SLC4A4: variants seen among roughly 807,000 people sequenced by gnomAD.
SLC4A4 encodes the protein solute carrier family 4 member 4.
Under a neutral mutation model 111.5 loss-of-function variants are expected in SLC4A4, and 27 were observed. The ratio of observed to expected loss-of-function variants is 0.24; its 90% CI spans 0.18 to 0.33. SLC4A4 has a LOEUF of 0.33. Among genes scored for constraint, SLC4A4 ranks in the 10% least tolerant of loss-of-function variants. SLC4A4 has a pLI of 1.00. For missense variants in SLC4A4, 909 were observed against 1,315.5 expected, an observed-to-expected ratio of 0.69 and a Z score of 4.78; for synonymous variants, 443 against 463.4, an observed-to-expected ratio of 0.96 and a Z score of 0.57.
At chr4:71,411,494 G>A (rs965904309) in intron 7 of SLC4A4, among the ~76,000 whole-genome samples, 11 of 151,970 alleles carry the variant, frequency 7.2e-5, no homozygotes, top group Non-Finnish European at 1.5e-4. Flanking sequence ...TTGGCTACAT[G>A]TTTATCTTCA....
intron 7 of SLC4A4, among the ~76,000 whole-genome samples, chr4:71,405,086 G>T (rs1720724826): frequency 1.3e-5 from 2 of 151,930 alleles, no homozygotes; most frequent in African/African-American, 2.4e-5. Context: ...AAAGTGCTGG[G>T]ATTATAAGCG....
rs145159577 is a variant in SLC4A4, at chr4:71,551,400, A to G, written c.2694+3680A>G. Among the ~76,000 whole-genome samples the G allele has an allele frequency of 8.9e-3, 1,351 of 151,968 alleles. 15 individuals carry two copies. Among genetic ancestry groups the G allele is most frequent in the African/African-American group, 0.03 (1,235 of 41,526 alleles). On this transcript the variant is annotated intron_variant, in intron 20 of 25. Transcript: ENST00000264485. ...TGCCAGGGAAAGCAAAATGGTAGAG[A>G]TGATGGTAATGGTGATGATGATGAT...
Position 71,257,107 on chromosome 4 carries a change from C to T in SLC4A4, c.253+1708C>T, listed in dbSNP as rs141213388. Among the ~76,000 whole-genome samples the T allele has an allele frequency of 4.5e-3, 691 of 152,246 alleles. 5 individuals carry two copies. Among genetic ancestry groups the T allele is most frequent in the South Asian group, 0.014 (68 of 4,818 alleles). On this transcript the variant is annotated intron_variant, in intron 3 of 25. Transcript: ENST00000264485. Reference sequence around the variant, plus strand: ...GAACAGATCAGGAAGATGCTGAGACCGCATGTGTATCAACCATAGAATACT... The same window carrying T: ...GAACAGATCAGGAAGATGCTGAGACTGCATGTGTATCAACCATAGAATACT...
At chr4:71,155,006 A>C (rs1744420311) in intron 2 of SLC4A4, among the ~76,000 whole-genome samples, 1 of 152,186 alleles carries the variant, frequency 6.6e-6, no homozygotes, top group South Asian at 2.1e-4. Flanking sequence ...GTGAGTTGCA[A>C]CCCACCTAGT....
chr4:71,451,504 C>G (rs1280194631), intron 11 of SLC4A4, among the ~76,000 whole-genome samples: 1 of 152,056 alleles, frequency 6.6e-6, no homozygotes, highest in Non-Finnish European at 1.5e-5. Context: ...ATTGTAGTGA[C>G]AAGACATAAA....
At chr4:71,448,350 A>G (rs559743384) in intron 9 of SLC4A4, among the ~76,000 whole-genome samples, 5 of 150,460 alleles carry the variant, frequency 3.3e-5, no homozygotes, top group African/African-American at 9.7e-5. Context: ...GTTCAAGGTC[A>G]TTGTATTAAC....
chr4:71,563,716 G>C, intron 23 of SLC4A4, 77 bp from the exon 24 acceptor site: 1 of 907,312 alleles, frequency 1.1e-6, no homozygotes, highest in Admixed American at 1.7e-5. Flanking sequence ...TATAGAAAAC[G>C]GTTTGATCGA....
At chr4:71,166,419 A>G (rs1229291056) in intron 2 of SLC4A4, among the ~76,000 whole-genome samples, 1 of 152,252 alleles carries the variant, frequency 6.6e-6, no homozygotes, top group African/African-American at 2.4e-5. Context: ...GTTAGTTCAC[A>G]GGTCTCATAA....
At chr4:71,087,460 T>G (rs1742214920) in intron 1 of SLC4A4, among the ~76,000 whole-genome samples, 1 of 152,066 alleles carries the variant, frequency 6.6e-6, no homozygotes, top group African/African-American at 2.4e-5. Flanking sequence ...TGGAATGTGT[T>G]TACTCTTGCT....
chr4:71,468,025 G>A (rs1433917553), intron 13 of SLC4A4, among the ~76,000 whole-genome samples: 2 of 152,040 alleles, frequency 1.3e-5, no homozygotes, highest in Admixed American at 1.3e-4. Flanking sequence ...AGATGGAGGA[G>A]GGAATGAGGA....
intron 6 of SLC4A4, among the ~76,000 whole-genome samples, chr4:71,364,678 C>T (rs1222487078): frequency 1.3e-5 from 2 of 152,102 alleles, no homozygotes; most frequent in Non-Finnish European, 2.9e-5. Context: ...AAGGCTTCAC[C>T]TTTTAATACT....
intron 2 of SLC4A4, among the ~76,000 whole-genome samples, chr4:71,153,098 G>C (rs1414866987): frequency 6.7e-6 from 1 of 150,102 alleles, no homozygotes; most frequent in African/African-American, 2.4e-5. Flanking sequence ...ATGATCACAT[G>C]GTCCTGCAAT....
chr4:71,445,241 G>A (rs2149066937), intron 8 of SLC4A4, among the ~76,000 whole-genome samples: 1 of 152,142 alleles, frequency 6.6e-6, no homozygotes, highest in East Asian at 1.9e-4. Context: ...TAACTTGGAG[G>A]CTCCATTACT....
At chr4:71,443,106 CTCTCTCTCTCTATATA>C (rs1409052262) in intron 8 of SLC4A4, among the ~76,000 whole-genome samples, 1 of 101,006 alleles carries the variant, frequency 9.9e-6, no homozygotes, top group African/African-American at 4.6e-5. Flanking sequence ...CTCTCTCTCT[CTCTCTCTCTCTATATA>C]TATATATATA....
chr4:71,419,628 C>T (rs144350513), intron 7 of SLC4A4, among the ~76,000 whole-genome samples: 2,635 of 152,326 alleles, frequency 0.017, 89 homozygotes, highest in African/African-American at 0.06. Flanking sequence ...AAAGGGAACT[C>T]GCTGACCCCT....
chr4:71,116,382 A>T (rs1743249974), intron 2 of SLC4A4, among the ~76,000 whole-genome samples: 1 of 152,176 alleles, frequency 6.6e-6, no homozygotes, highest in Admixed American at 6.5e-5. Flanking sequence ...GTTTCAAGTA[A>T]TATACCTAGC....
rs1728681523 is a variant in SLC4A4 at position 71,339,183 on chromosome 4, G to A, written c.254-187G>A. ...ACCAAGATACAGTTCAGAACCAAAG[G>A]AATAGAGAAGGGCTTTGATTTCTTT... On this transcript the variant is annotated intron_variant, in intron 3 of 25. Coordinates refer to ENST00000264485, the MANE Select transcript of SLC4A4 (RefSeq NM_001098484.3). 41 of 1,613,848 alleles carry A rather than the reference G, an allele frequency of 2.5e-5. No individual in the cohort carries two copies. The East Asian group carries it at 8.9e-4, about 35-fold the overall frequency.
At chr4:71,399,140 A>G (rs1204998317) in intron 7 of SLC4A4, among the ~76,000 whole-genome samples, 3 of 152,206 alleles carry the variant, frequency 2.0e-5, no homozygotes, top group Admixed American at 6.5e-5. Context: ...TACAAATAGT[A>G]TGCCATTTAT....
chr4:71,267,701 C>A (rs1006296806), intron 3 of SLC4A4, among the ~76,000 whole-genome samples: 1 of 135,474 alleles, frequency 7.4e-6, no homozygotes, highest in South Asian at 2.3e-4. Context: ...GGCTGAGGTA[C>A]GAGAATTGTT....
Sources: allele counts gnomAD v4.1 joint callset (sites outside exome capture counted in the v4.1 genomes callset), GRCh38; gene constraint gnomAD v4.1.1; transcripts MANE v1.5; gene names NCBI Gene and HGNC (gene_info 2026-07-23, HGNC 2026-07-21).